KCNN2: variants seen among roughly 807,000 people sequenced by gnomAD.
The protein encoded by KCNN2 is potassium calcium-activated channel subfamily N member 2.
Under a neutral mutation model 55.5 loss-of-function variants are expected in KCNN2, and 24 were observed. The ratio of observed to expected loss-of-function variants is 0.43; its 90% confidence interval spans 0.31 to 0.61. KCNN2 has a LOEUF of 0.61. Ranked by LOEUF, KCNN2 falls within the 20% of genes least tolerant of loss-of-function variation. The pLI is 0.08. For synonymous variants in KCNN2, 431 were observed against 336.1 expected (o/e 1.28, Z -3.09); for missense variants, 754 against 853.6 (o/e 0.88, Z 1.45).
intron 2 of KCNN2, among the ~76,000 whole-genome samples, chr5:114,334,747 T>G (rs1756891329): frequency 6.6e-6 from 1 of 152,190 alleles, no homozygotes; most frequent in African/African-American, 2.4e-5. Flanking sequence ...TGTATTTAAT[T>G]GTTTTCATTT....
chr5:114,166,620 T>C, intron 1 of KCNN2, among the ~76,000 whole-genome samples: 1 of 152,166 alleles, frequency 6.6e-6, no homozygotes, highest in East Asian at 1.9e-4. Flanking sequence ...CCTGGTTCTC[T>C]TGGGAGGCTT....
intron 1 of KCNN2, among the ~76,000 whole-genome samples, chr5:114,106,149 A>T (rs1751478769): frequency 6.6e-6 from 1 of 151,796 alleles, no homozygotes; most frequent in Non-Finnish European, 1.5e-5. Context: ...GGTTTCTACC[A>T]TTAGCAGTCT....
chr5:114,383,675 C>G (rs565073972), intron 2 of KCNN2, among the ~76,000 whole-genome samples: 2 of 152,156 alleles, frequency 1.3e-5, no homozygotes, highest in East Asian at 3.9e-4. Context: ...GCCATGTTGG[C>G]CAGGCTGGTC....
chr5:114,143,355 A>G (rs1192039076), intron 1 of KCNN2, among the ~76,000 whole-genome samples: 1 of 152,206 alleles, frequency 6.6e-6, no homozygotes, highest in Non-Finnish European at 1.5e-5. Context: ...TTGGGAAGAT[A>G]TTAATCAGTA....
intron 1 of KCNN2, among the ~76,000 whole-genome samples, chr5:114,079,412 CTCTT>C (rs1750753218): frequency 1.3e-5 from 2 of 152,116 alleles, no homozygotes. Flanking sequence ...TCAAGTTAAA[CTCTT>C]TCTTAATTAA....
intron 1 of KCNN2, among the ~76,000 whole-genome samples, chr5:114,189,461 C>A (rs975122316): frequency 6.6e-6 from 1 of 152,100 alleles, no homozygotes. Flanking sequence ...ATCTGCTTAC[C>A]AATTAAATGT....
intron 3 of KCNN2, among the ~76,000 whole-genome samples, chr5:114,455,539 C>T (rs1760878445): frequency 6.6e-6 from 1 of 152,224 alleles, no homozygotes. Flanking sequence ...CCTACAATGG[C>T]TTCCAAGTGT....
intron 1 of KCNN2, among the ~76,000 whole-genome samples, chr5:114,150,619 A>T (rs558384166): frequency 6.6e-6 from 1 of 152,326 alleles, no homozygotes; most frequent in South Asian, 2.1e-4. Flanking sequence ...ATGAGGGCTC[A>T]GGAATCAGAC....
At position 114,454,446 on chromosome 5, in the gene KCNN2, G is replaced by A. The variant is rs766719700; in HGVS notation, c.1638-8603G>A. On this transcript the variant is annotated intron_variant, in intron 3 of 7. Coordinates refer to ENST00000673685, the MANE Select transcript of KCNN2 (RefSeq NM_021614.4). ...TGTTTGATGACAATCACTGTGGGGT[G>A]ATAGTTGAGTTTTTCATTAGGGAAT... Among the ~76,000 whole-genome samples, 6 of 152,180 alleles carry A rather than the reference G, an allele frequency of 3.9e-5. 1 individual carries two copies. The highest frequency in any genetic ancestry group is 8.8e-5 in the Non-Finnish European group (6 of 68,030).
chr5:114,254,276 G>A (rs529700683), intron 2 of KCNN2, among the ~76,000 whole-genome samples: 3 of 152,152 alleles, frequency 2.0e-5, no homozygotes, highest in East Asian at 1.9e-4. Flanking sequence ...ATAAGCAAAT[G>A]TATTATAAAC....
chr5:114,187,771 G>T (rs1385487340), intron 1 of KCNN2, among the ~76,000 whole-genome samples: 3 of 151,442 alleles, frequency 2.0e-5, no homozygotes, highest in East Asian at 2.0e-4. Context: ...CTCCCAAAGT[G>T]CTAGGTTGAC....
intron 2 of KCNN2, among the ~76,000 whole-genome samples, chr5:114,350,666 T>C (rs1262903115): frequency 6.6e-6 from 1 of 151,950 alleles, no homozygotes; most frequent in Non-Finnish European, 1.5e-5. Context: ...TTCATGTTTT[T>C]GCATGTGAAT....
chr5:114,308,413 A>C (rs866941507), intron 2 of KCNN2, among the ~76,000 whole-genome samples: 1 of 152,224 alleles, frequency 6.6e-6, no homozygotes, highest in African/African-American at 2.4e-5. Context: ...AGAGAAGAAG[A>C]GAGACTATAC....
chr5:114,266,280 G>A (rs925596913), intron 2 of KCNN2, among the ~76,000 whole-genome samples: 1 of 152,154 alleles, frequency 6.6e-6, no homozygotes, highest in African/African-American at 2.4e-5. Context: ...AATGCCTGCT[G>A]TAGTGGACAG....
intron 1 of KCNN2, among the ~76,000 whole-genome samples, chr5:114,074,306 G>GTGTA (rs573122267): frequency 9.6e-5 from 13 of 134,918 alleles, no homozygotes; most frequent in Non-Finnish European, 1.9e-4. Context: ...GTGTGTGTGT[G>GTGTA]TGTGTGTGTG....
At chr5:114,268,357 C>G (rs1305247056) in intron 2 of KCNN2, among the ~76,000 whole-genome samples, 4 of 152,322 alleles carry the variant, frequency 2.6e-5, no homozygotes, top group African/African-American at 9.6e-5. Flanking sequence ...TTCGCCATTT[C>G]CATGATTATC....
At chr5:114,464,402 G>A (rs776045073) in intron 4 of KCNN2, among the ~76,000 whole-genome samples, 1 of 152,146 alleles carries the variant, frequency 6.6e-6, no homozygotes, top group Non-Finnish European at 1.5e-5. Context: ...GTTCCAAATT[G>A]TCAGAATTTC....
chr5:114,383,081 T>G (rs1758174485), intron 2 of KCNN2, among the ~76,000 whole-genome samples: 1 of 152,176 alleles, frequency 6.6e-6, no homozygotes, highest in African/African-American at 2.4e-5. Context: ...AAAAGGTGTT[T>G]TCTAGTTTGC....
chr5:114,295,917 AAAT>A (rs1199020564), intron 2 of KCNN2, among the ~76,000 whole-genome samples: 1 of 152,206 alleles, frequency 6.6e-6, no homozygotes, highest in Non-Finnish European at 1.5e-5. Context: ...TAATATGGAT[AAAT>A]AATATTTCAA....
Sources: gnomAD v4.1 joint callset for allele counts (sites outside exome capture counted in the v4.1 genomes callset) on GRCh38, gnomAD v4.1.1 for gene constraint, MANE v1.5 for transcripts, NCBI Gene and HGNC (gene_info 2026-07-23, HGNC 2026-07-21) for gene names.